Variants in EXOC6 observed in about 807,000 individuals in gnomAD.
EXOC6 encodes SEC15-like 1.
Under a neutral mutation model 112.5 loss-of-function variants are expected in EXOC6, and 60 were observed. That is an observed-to-expected ratio of 0.53 (90% CI 0.43 to 0.66). The LOEUF (loss-of-function observed/expected upper bound fraction) is 0.66, where lower values mean the gene tolerates loss of function less well. Among genes scored for constraint, EXOC6 ranks in the 30% least tolerant of loss-of-function variants. EXOC6 has a pLI of 0.00. For synonymous variants in EXOC6, 295 were observed against 308.0 expected (o/e 0.96, Z 0.44); for missense variants, 855 against 957.1 (o/e 0.89, Z 1.41).
At chr10:92,917,739 C>G (rs1383101498) in intron 7 of EXOC6, among the ~76,000 whole-genome samples, 1 of 152,012 alleles carries the variant, frequency 6.6e-6, no homozygotes, top group Non-Finnish European at 1.5e-5. Context: ...CACTATGTTA[C>G]CAAGGCTGGT....
chr10:93,053,348 T>G (rs1261334058), intron 20 of EXOC6, among the ~76,000 whole-genome samples: 1 of 152,208 alleles, frequency 6.6e-6, no homozygotes, highest in African/African-American at 2.4e-5. Context: ...AAAGTCCTGG[T>G]TTTTTGTTTT....
intron 1 of EXOC6, among the ~76,000 whole-genome samples, chr10:92,836,512 T>C (rs1198984389): frequency 6.6e-6 from 1 of 152,084 alleles, no homozygotes; most frequent in African/African-American, 2.4e-5. Context: ...AAATGCCAAT[T>C]GTTAGGTTAA....
chr10:93,003,491 G>A (rs916029519), intron 19 of EXOC6, among the ~76,000 whole-genome samples: 7 of 152,052 alleles, frequency 4.6e-5, no homozygotes, highest in African/African-American at 9.7e-5. Context: ...GGTGACACAC[G>A]TACCTGTGAG....
chr10:92,984,074 GTGTT>G (rs541787823), intron 18 of EXOC6, among the ~76,000 whole-genome samples: 44 of 152,192 alleles, frequency 2.9e-4, no homozygotes, highest in African/African-American at 1.0e-3. Flanking sequence ...AACAGTACTG[GTGTT>G]TGTTATGATT....
intron 1 of EXOC6, among the ~76,000 whole-genome samples, chr10:92,886,502 T>C (rs1849225420): frequency 6.6e-6 from 1 of 152,206 alleles, no homozygotes; most frequent in African/African-American, 2.4e-5. Flanking sequence ...GGTGATCTGG[T>C]TGGTTGCTAT....
chr10:92,920,423 GA>G (rs1851362315), intron 8 of EXOC6, among the ~76,000 whole-genome samples: 1 of 152,032 alleles, frequency 6.6e-6, no homozygotes, highest in East Asian at 1.9e-4. Flanking sequence ...GTTCACATAC[GA>G]AAAAACTTAC....
intron 20 of EXOC6, among the ~76,000 whole-genome samples, chr10:93,051,315 G>A (rs959083491): frequency 1.3e-5 from 2 of 152,202 alleles, no homozygotes; most frequent in Non-Finnish European, 2.9e-5. Flanking sequence ...AGCATGAAGT[G>A]CTCAGAACTC....
At chr10:92,854,899 G>A (rs1379427248) in intron 1 of EXOC6, among the ~76,000 whole-genome samples, 1 of 151,564 alleles carries the variant, frequency 6.6e-6, no homozygotes, top group African/African-American at 2.4e-5. Flanking sequence ...ATGAGTATTT[G>A]GGTTTTTTCC....
At chr10:92,897,880 C>A (rs552569703) in intron 4 of EXOC6, among the ~76,000 whole-genome samples, 1 of 152,274 alleles carries the variant, frequency 6.6e-6, no homozygotes, top group South Asian at 2.1e-4. Flanking sequence ...TGATTGATGT[C>A]TCATGTCTCT....
At chr10:92,961,371 T>G (rs1375397646) in intron 17 of EXOC6, among the ~76,000 whole-genome samples, 11 of 152,204 alleles carry the variant, frequency 7.2e-5, no homozygotes, top group African/African-American at 2.4e-4. Context: ...ACTTCTTTTC[T>G]GGTCTTCCCC....
chr10:92,849,283 G>T (rs1411987031), intron 1 of EXOC6, among the ~76,000 whole-genome samples: 1 of 152,198 alleles, frequency 6.6e-6, no homozygotes, highest in Admixed American at 6.5e-5. Flanking sequence ...TGCGCTCGCG[G>T]GATCTAAGCT....
At chr10:92,977,357 G>A (rs1465670884) in intron 18 of EXOC6, among the ~76,000 whole-genome samples, 2 of 152,012 alleles carry the variant, frequency 1.3e-5, no homozygotes, top group African/African-American at 4.8e-5. Context: ...GAGGGAAGGT[G>A]TTCCTAAAAA....
intron 13 of EXOC6, among the ~76,000 whole-genome samples, chr10:92,941,624 C>T (rs763550757): frequency 2.6e-5 from 4 of 151,952 alleles, no homozygotes; most frequent in Non-Finnish European, 5.9e-5. Flanking sequence ...TATAAGTATT[C>T]AAAGATATTT....
At chr10:93,048,051 A>G (rs1227459256) in intron 20 of EXOC6, among the ~76,000 whole-genome samples, 2 of 152,178 alleles carry the variant, frequency 1.3e-5, no homozygotes, top group Non-Finnish European at 2.9e-5. Flanking sequence ...TAGTTCATGT[A>G]TGACCTACAT....
intron 6 of EXOC6, among the ~76,000 whole-genome samples, chr10:92,911,464 A>G (rs1312255517): frequency 6.6e-6 from 1 of 152,218 alleles, no homozygotes; most frequent in African/African-American, 2.4e-5. Context: ...TTTAAAGTTC[A>G]TATTCCATTA....
At chr10:93,015,342 A>G (rs1844450559) in intron 20 of EXOC6, among the ~76,000 whole-genome samples, 1 of 152,208 alleles carries the variant, frequency 6.6e-6, no homozygotes, top group Non-Finnish European at 1.5e-5. Flanking sequence ...TTTGCAGAGG[A>G]AAGATGTGGT....
chr10:93,012,610 A>G (rs1426504662), intron 19 of EXOC6, among the ~76,000 whole-genome samples: 1 of 152,224 alleles, frequency 6.6e-6, no homozygotes, highest in African/African-American at 2.4e-5. Context: ...TTAATTGTTG[A>G]TTTTGAGCCT....
At chr10:92,993,080 A>G (rs1457102718) in intron 18 of EXOC6, among the ~76,000 whole-genome samples, 8 of 152,114 alleles carry the variant, frequency 5.3e-5, no homozygotes, top group Non-Finnish European at 1.2e-4. Context: ...AAAAAGCCAT[A>G]CAGAATCAGA....
chr10:92,871,608 A>C (rs1589737375), intron 1 of EXOC6, among the ~76,000 whole-genome samples: 1 of 152,106 alleles, frequency 6.6e-6, no homozygotes, highest in East Asian at 1.9e-4. Flanking sequence ...GGAGATCGAG[A>C]CCAGCCTGGC....
Sources: gnomAD v4.1 joint callset for allele counts (sites outside exome capture counted in the v4.1 genomes callset) on GRCh38, gnomAD v4.1.1 for gene constraint, MANE v1.5 for transcripts, NCBI Gene and HGNC (gene_info 2026-07-23, HGNC 2026-07-21) for gene names.